The following UGP2 variants were observed in gnomAD, a reference collection of about 807,000 sequenced individuals.
UGP2 encodes UDP-glucose pyrophosphorylase 2.
UGP2 carries 40 observed loss-of-function variants against 49.0 expected under a neutral mutation model. The observed-to-expected ratio is 0.82, with a 90% CI of 0.63 to 1.06. The LOEUF (loss-of-function observed/expected upper bound fraction) is 1.06. Among genes scored for constraint, UGP2 ranks in the 50% least tolerant of loss-of-function variants. UGP2 has a pLI of 0.00. For synonymous variants in UGP2, 225 were observed against 213.0 expected, an observed-to-expected ratio of 1.06 and a Z score of -0.49; for missense variants, 460 against 603.5, an observed-to-expected ratio of 0.76 and a Z score of 2.49.
rs1008526405 is a variant in UGP2 at position 63,854,293 on chromosome 2, A to G, written c.20-2013A>G. Among the ~76,000 whole-genome samples, 8 of 152,202 alleles carry G rather than the reference A, an allele frequency of 5.3e-5. No homozygotes were observed. In the East Asian group the frequency reaches 7.7e-4, roughly 15 times the overall value. Reference sequence around the variant, plus strand: ...AAATGTTTGACTCCCAATCCACTCTATGTCTAAAGGCGTGGGGAATCAATT... The same window carrying G: ...AAATGTTTGACTCCCAATCCACTCTGTGTCTAAAGGCGTGGGGAATCAATT... On this transcript the variant is annotated intron_variant, in intron 1 of 9. Coordinates refer to ENST00000337130, the MANE Select transcript of UGP2 (RefSeq NM_006759.4).
At chr2:63,883,814 GAGC>G in intron 4 of UGP2, 143 bp from the exon 5 acceptor site, 2 of 921,768 alleles carry the variant, frequency 2.2e-6, no homozygotes, top group Middle Eastern at 3.4e-4. Context: ...GGCTCGTGCT[GAGC>G]AGTTTTTTGT....
intron 3 of UGP2, among the ~76,000 whole-genome samples, chr2:63,858,611 T>C (rs1187972886): frequency 6.6e-6 from 1 of 152,178 alleles, no homozygotes; most frequent in South Asian, 2.1e-4. Flanking sequence ...AAAATTCCTC[T>C]TGGCTGTAAT....
chr2:63,861,537 A>C (rs959140505), intron 3 of UGP2, among the ~76,000 whole-genome samples: 1 of 145,532 alleles, frequency 6.9e-6, no homozygotes, highest in African/African-American at 2.5e-5. Flanking sequence ...TTTTTTTTTT[A>C]GTTAGCTGTG....
At chr2:63,879,555 G>A (rs1029337848) in intron 3 of UGP2, among the ~76,000 whole-genome samples, 2 of 152,052 alleles carry the variant, frequency 1.3e-5, no homozygotes, top group Non-Finnish European at 2.9e-5. Context: ...TTTATAGTAC[G>A]ATTCAATTTA....
chr2:63,874,020 C>G (rs1670742148), intron 3 of UGP2, among the ~76,000 whole-genome samples: 1 of 152,186 alleles, frequency 6.6e-6, no homozygotes, highest in Non-Finnish European at 1.5e-5. Context: ...AGACCCTGCC[C>G]TTTCACAGAG....
At chr2:63,874,465 G>T (rs1162279135) in intron 3 of UGP2, among the ~76,000 whole-genome samples, 32 of 152,172 alleles carry the variant, frequency 2.1e-4, no homozygotes. Flanking sequence ...AATTGAAGCT[G>T]ACTGCGTAGA....
intron 3 of UGP2, among the ~76,000 whole-genome samples, chr2:63,867,859 T>A (rs1670283350): frequency 6.6e-6 from 1 of 152,238 alleles, no homozygotes; most frequent in Non-Finnish European, 1.5e-5. Flanking sequence ...ATAACTCATC[T>A]AGCCTAACAA....
Position 63,847,113 on chromosome 2 carries a change from G to A in UGP2, c.19+4909G>A, listed in dbSNP as rs1408419266. 2.0e-5 allele frequency among the ~76,000 whole-genome samples: 3 copies of A among 151,958 alleles called. No homozygotes were observed. The East Asian group carries it at 5.8e-4, about 29-fold the overall frequency. Reference sequence around the variant, plus strand: ...TGATTTTCATTTGTGAAAGTCTACTGAGGAAAAAAAATTGATAAGGGACAT... The same window carrying A: ...TGATTTTCATTTGTGAAAGTCTACTAAGGAAAAAAAATTGATAAGGGACAT... On this transcript the variant is annotated intron_variant, in intron 1 of 9. Transcript: ENST00000337130.
chr2:63,842,644 T>C (rs1160453864), intron 1 of UGP2: 1 of 1,411,408 alleles, frequency 7.1e-7, no homozygotes, highest in South Asian at 1.6e-5. Flanking sequence ...TGTTCTCCGC[T>C]TCTACTTCGT....
chr2:63,846,235 A>T (rs1352380025), intron 1 of UGP2: 3 of 152,134 alleles, frequency 2.0e-5, no homozygotes, highest in Non-Finnish European at 4.4e-5. Flanking sequence ...AGTTTAAGGT[A>T]CCAGGGGCGG....
intron 1 of UGP2, among the ~76,000 whole-genome samples, chr2:63,850,822 C>G (rs901732081): frequency 4.6e-5 from 7 of 152,146 alleles, no homozygotes; most frequent in Non-Finnish European, 8.8e-5. Context: ...TTTGGGCTTA[C>G]TAGGCACTAC....
chr2:63,853,408 C>G (rs145659260), intron 1 of UGP2, among the ~76,000 whole-genome samples: 1 of 151,980 alleles, frequency 6.6e-6, no homozygotes, highest in African/African-American at 2.4e-5. Flanking sequence ...TTTCCAGTTG[C>G]CATTAAATTC....
intron 1 of UGP2, among the ~76,000 whole-genome samples, chr2:63,845,527 A>G (rs968244254): frequency 1.6e-4 from 25 of 151,990 alleles, no homozygotes; most frequent in African/African-American, 5.8e-4. Flanking sequence ...GTTAAAAAAA[A>G]AAAAAAAAAG....
intron 3 of UGP2, among the ~76,000 whole-genome samples, chr2:63,880,761 G>A (rs772434264): frequency 2.6e-5 from 4 of 152,086 alleles, no homozygotes; most frequent in Non-Finnish European, 5.9e-5. Flanking sequence ...TCCTCACCTG[G>A]ACCACATGCT....
intron 6 of UGP2, 108 bp from the exon 7 acceptor site, chr2:63,886,227 CTCTGTT>C (rs1671661580): frequency 9.5e-7 from 1 of 1,052,868 alleles, no homozygotes; most frequent in Admixed American, 2.2e-5. Context: ...TGAAAATTTA[CTCTGTT>C]TCTACATAAT....
chr2:63,890,856 C>T (rs917014046), intron 9 of UGP2, among the ~76,000 whole-genome samples: 2 of 145,950 alleles, frequency 1.4e-5, no homozygotes, highest in African/African-American at 2.5e-5. Context: ...AGGGGCTGGC[C>T]ATGCTGTGGC....
At chr2:63,849,951 A>C (rs189242693) in intron 1 of UGP2, among the ~76,000 whole-genome samples, 2 of 152,176 alleles carry the variant, frequency 1.3e-5, no homozygotes, top group East Asian at 3.8e-4. Context: ...TTGGCTTTTC[A>C]TCGTGATTTT....
At chr2:63,842,899 A>G (rs1671669351) in intron 1 of UGP2, among the ~76,000 whole-genome samples, 1 of 152,230 alleles carries the variant, frequency 6.6e-6, no homozygotes, top group Non-Finnish European at 1.5e-5. Context: ...TAACGTGTAT[A>G]TGAATGCATG....
chr2:63,885,873 G>T lies in UGP2; in HGVS notation c.860G>T (p.Arg287Leu). The T allele has an allele frequency of 6.3e-7, 1 of 1,588,712 alleles. No individual in the cohort carries two copies. Among genetic ancestry groups the T allele is most frequent in the Non-Finnish European group, 8.6e-7 (1 of 1,169,380 alleles). ...EFVMEVTNKTRADVKGGTLTQ... is the reference protein window; with the variant it reads ...EFVMEVTNKTLADVKGGTLTQ... ...GTCATGGAAGTCACAAATAAAACAC[G>T]TGCAGATGTAAAGGTAAATACCGAG... is the stretch of plus-strand genomic sequence containing the variant. The change falls in exon 6 of 10, where the codon CGT (arginine) becomes CTT (leucine). Residue 287 changes from arginine (R) to leucine (L), a missense_variant. Transcript: ENST00000337130.
Sources: gnomAD v4.1 joint callset for allele counts (sites outside exome capture counted in the v4.1 genomes callset) on GRCh38, gnomAD v4.1.1 for gene constraint, MANE v1.5 for transcripts, NCBI Gene and HGNC (gene_info 2026-07-23, HGNC 2026-07-21) for gene names.